The following C10orf88 variants were observed in gnomAD, a reference collection of about 807,000 sequenced individuals.
The protein encoded by C10orf88 is chromosome 10 open reading frame 88.
Under a neutral mutation model 34.2 loss-of-function variants are expected in C10orf88, and 29 were observed. That is an observed-to-expected ratio of 0.85 (90% CI 0.63 to 1.16). The LOEUF (loss-of-function observed/expected upper bound fraction) is 1.16. Ranked by LOEUF, C10orf88 falls within the 50% of genes most tolerant of loss-of-function variation. The pLI, the probability that C10orf88 is intolerant of heterozygous loss-of-function variation, is 0.00. For missense variants in C10orf88, 507 were observed against 533.2 expected (o/e 0.95, Z 0.48); for synonymous variants, 194 against 197.4 (o/e 0.98, Z 0.15).
rs757839396 is a variant in C10orf88 at position 122,938,022 on chromosome 10, T to C, written c.786A>G (p.Gly262=). 1 of 1,613,384 alleles carries C rather than the reference T, an allele frequency of 6.2e-7. No individual in the cohort carries two copies. Among genetic ancestry groups the C allele is most frequent in the Non-Finnish European group, 8.5e-7 (1 of 1,179,522 alleles). ...SSSTPFPFRT[G]LTSGNVTENL... ...TTTCAGTCACGTTCCCAGATGTCAA[T>C]CCAGTTCTAAAAGGAAAAGGTGTGG... The change falls in exon 5 of 6, where the codon GGA becomes GGG. Residue 262 remains glycine, a synonymous_variant. Coordinates refer to ENST00000481909, the MANE Select transcript of C10orf88 (RefSeq NM_024942.4).
chr10:122,952,409 T>C (rs1848698574), intron 2 of C10orf88, among the ~76,000 whole-genome samples: 1 of 152,240 alleles, frequency 6.6e-6, no homozygotes, highest in Admixed American at 6.5e-5. Context: ...AATAGGTTTA[T>C]GTAGCACAGT....
rs760255453 is a variant in C10orf88 at position 122,952,812 on chromosome 10, G to T, written c.368+17C>A. On this transcript the variant is annotated intron_variant, in intron 2 of 5. Coordinates refer to ENST00000481909, the MANE Select transcript of C10orf88 (RefSeq NM_024942.4). ...CACTACTTCAGAAGAACACTTTCCCGTGTACAAGTCACACACCTGTCATCC... is the reference window on the plus strand; with the variant it reads ...CACTACTTCAGAAGAACACTTTCCCTTGTACAAGTCACACACCTGTCATCC... 1.2e-6 allele frequency: 2 copies of T among 1,613,296 alleles called. No homozygotes were observed. The highest frequency in any genetic ancestry group is 2.2e-5 in the South Asian group (2 of 90,966).
intron 5 of C10orf88, among the ~76,000 whole-genome samples, chr10:122,934,589 C>A (rs2133327554): frequency 6.6e-6 from 1 of 152,208 alleles, no homozygotes; most frequent in South Asian, 2.1e-4. Flanking sequence ...TTAGTTGGGA[C>A]TTCTGGGATA....
At position 122,931,911 on chromosome 10, in the gene C10orf88, C is replaced by G. The variant is rs1848487305; in HGVS notation, c.*516G>C. 1 of 152,700 alleles carries G rather than the reference C, an allele frequency of 6.5e-6. No individual in the cohort carries two copies. Among genetic ancestry groups the G allele is most frequent in the Non-Finnish European group, 1.5e-5 (1 of 68,124 alleles). The allele number at this position is 152,700 out of a possible 1,614,324, so 9.5% of individuals were successfully genotyped here. ...AACCCCAGAGTGAACTAAGTTTACA[C>G]ATGCCAAATATCACATCTTATTCAT... is the stretch of plus-strand genomic sequence containing the variant. On this transcript the variant is annotated 3_prime_UTR_variant, in exon 6 of 6. Coordinates refer to ENST00000481909, the MANE Select transcript of C10orf88 (RefSeq NM_024942.4).
At chr10:122,937,591 A>C (rs1848544754) in intron 5 of C10orf88, 114 bp downstream of exon 5, 1 of 921,050 alleles carries the variant, frequency 1.1e-6, no homozygotes, top group Non-Finnish European at 1.6e-6. Context: ...AAAGTTGCTA[A>C]AATTTTCTCT....
At chr10:122,947,658 G>A (rs559094663) in intron 4 of C10orf88, among the ~76,000 whole-genome samples, 5 of 152,088 alleles carry the variant, frequency 3.3e-5, no homozygotes, top group Non-Finnish European at 7.4e-5. Flanking sequence ...GTTTCCAGAT[G>A]TTTGCAACAT....
Position 122,948,762 on chromosome 10 carries a change from C to T in C10orf88, c.535G>A (p.Ala179Thr), listed in dbSNP as rs762727957. 2.5e-6 allele frequency: 4 copies of T among 1,613,866 alleles called. No homozygotes were observed. The highest frequency in any genetic ancestry group is 3.4e-6 in the Non-Finnish European group (4 of 1,179,910). ...TCAAGGTCTATCCTTGATCCTAGAG[C>T]AGGAGAGCTTGTTGAAGAATTTGCA... ...VFANSSTSSPALGSRIDLDKV... is the reference protein window; with the variant it reads ...VFANSSTSSPTLGSRIDLDKV... Residue 179 changes from alanine to threonine, a missense_variant, in exon 4 of 6, where the codon GCT becomes ACT. By Grantham distance (58) the Ala-to-Thr change is moderately conservative. Coordinates refer to ENST00000481909, the MANE Select transcript of C10orf88 (RefSeq NM_024942.4).
chr10:122,950,154 A>G (rs1189738848), intron 3 of C10orf88, among the ~76,000 whole-genome samples: 1 of 152,218 alleles, frequency 6.6e-6, no homozygotes, highest in Non-Finnish European at 1.5e-5. Flanking sequence ...GTACTTAACA[A>G]CCTGTGTGAC....
At chr10:122,936,211 T>C (rs1848532724) in intron 5 of C10orf88, among the ~76,000 whole-genome samples, 1 of 151,952 alleles carries the variant, frequency 6.6e-6, no homozygotes, top group Non-Finnish European at 1.5e-5. Context: ...GGGAAATTAA[T>C]CCATTTCTCC....
Position 122,932,515 on chromosome 10 carries a change from T to A in C10orf88, c.1250A>T (p.Asp417Val). 5.6e-6 allele frequency: 9 copies of A among 1,614,020 alleles called. No individual in the cohort carries two copies. The highest frequency in any genetic ancestry group is 7.6e-6 in the Non-Finnish European group (9 of 1,179,970). Reference protein sequence around the residue: ...HIDDKIALLLDLLQNPNSPPT... With the variant: ...HIDDKIALLLVLLQNPNSPPT... ...CGGGGAGTTAGGATTTTGCAGCAAATCCAGTAACAAAGCAATCTTATCATC... is the reference window on the plus strand; with the variant it reads ...CGGGGAGTTAGGATTTTGCAGCAAAACCAGTAACAAAGCAATCTTATCATC... The change falls in exon 6 of 6, where the codon GAT becomes GTT. Residue 417 changes from aspartate to valine, a missense_variant. Asp to Val is a radical substitution (Grantham distance 152). Coordinates refer to ENST00000481909, the MANE Select transcript of C10orf88 (RefSeq NM_024942.4).
chr10:122,948,931 C>T, intron 3 of C10orf88, 76 bp from the exon 4 acceptor site: 4 of 1,304,836 alleles, frequency 3.1e-6, no homozygotes, highest in Non-Finnish European at 4.3e-6. Flanking sequence ...TTGGTATGAC[C>T]TAAACAAGAG....
Position 122,938,029 on chromosome 10 carries a change from C to A in C10orf88, c.779G>T (p.Arg260Ile). The A allele has an allele frequency of 6.2e-7, 1 of 1,613,296 alleles. No individual in the cohort carries two copies. The highest frequency in any genetic ancestry group is 1.1e-5 in the South Asian group (1 of 91,054). ...NKSSSTPFPF[R>I]TGLTSGNVTE... is the part of the protein sequence containing the mutation. ...CACGTTCCCAGATGTCAATCCAGTTCTAAAAGGAAAAGGTGTGGAGGACGA... is the reference window on the plus strand; with the variant it reads ...CACGTTCCCAGATGTCAATCCAGTTATAAAAGGAAAAGGTGTGGAGGACGA... The change falls in exon 5 of 6, where the codon AGA (arginine) becomes ATA (isoleucine). Residue 260 changes from arginine (R) to isoleucine (I), a missense_variant. Arg to Ile is a moderately conservative substitution (Grantham distance 97). Coordinates refer to ENST00000481909, the MANE Select transcript of C10orf88 (RefSeq NM_024942.4).
Position 122,949,499 on chromosome 10 carries a change from G to A in C10orf88, c.442-644C>T, listed in dbSNP as rs1040270367. ...GACCTTCTGATGATACATTTGGCTA[G>A]TAAGTGGCTAATGGGCAGTAACATA... On this transcript the variant is annotated intron_variant, in intron 3 of 5. Transcript: ENST00000481909. Among the ~76,000 whole-genome samples, 5 of 152,268 alleles carry A rather than the reference G, an allele frequency of 3.3e-5. No homozygotes were observed. The South Asian group carries it at 1.0e-3, about 32-fold the overall frequency.
intron 1 of C10orf88, among the ~76,000 whole-genome samples, chr10:122,953,797 T>C: frequency 6.6e-6 from 1 of 151,494 alleles, no homozygotes; most frequent in African/African-American, 2.4e-5. Flanking sequence ...CGGGTCACCT[T>C]CCCCCTCTCA....
At position 122,948,834 on chromosome 10, in the gene C10orf88, G is replaced by A. The variant is rs756703295; in HGVS notation, c.463C>T (p.Gln155Ter). 2 of 1,612,420 alleles carry A rather than the reference G, an allele frequency of 1.2e-6. No homozygotes were observed. The highest frequency in any genetic ancestry group is 2.2e-5 in the East Asian group (1 of 44,870). The change falls in exon 4 of 6, where the codon CAG becomes TAG. Residue 155 changes from glutamine (Q) to a stop codon, truncating the protein, a stop_gained. Coordinates refer to ENST00000481909, the MANE Select transcript of C10orf88 (RefSeq NM_024942.4). LOFTEE classifies it high-confidence loss of function. Reference protein sequence around the residue: ...KIKLLSFGERQCVFISKVVVH... With the variant: ...KIKLLSFGER ...ACAACTTTACTGATGAACACACACT[G>A]CCTTTCGCCAAAGGAGAGCAACTAT...
At chr10:122,941,475 T>C (rs1198091593) in intron 4 of C10orf88, among the ~76,000 whole-genome samples, 1 of 152,140 alleles carries the variant, frequency 6.6e-6, no homozygotes, top group East Asian at 1.9e-4. Flanking sequence ...CTGAGGTCCT[T>C]CCTTTCCCCC....
chr10:122,939,540 G>A (rs1848565278), intron 4 of C10orf88, among the ~76,000 whole-genome samples: 1 of 151,848 alleles, frequency 6.6e-6, no homozygotes, highest in Admixed American at 6.6e-5. Context: ...GCTCTTTATA[G>A]AGAAATGTTA....
chr10:122,932,763 C>A, intron 5 of C10orf88, 102 bp from the exon 6 acceptor site: 1 of 776,738 alleles, frequency 1.3e-6, no homozygotes, highest in Non-Finnish European at 2.0e-6. Context: ...TTTGTCTCCA[C>A]AACTGTGCTC....
At chr10:122,953,129 A>G (rs1194641954) in intron 1 of C10orf88, 97 bp from the exon 2 acceptor site, 3 of 973,932 alleles carry the variant, frequency 3.1e-6, no homozygotes, top group Non-Finnish European at 4.7e-6. Flanking sequence ...CCAGGCTGGA[A>G]TGCAGTGGCT....
Sources: gnomAD v4.1 joint callset for allele counts (sites outside exome capture counted in the v4.1 genomes callset) on GRCh38, gnomAD v4.1.1 for gene constraint, MANE v1.5 for transcripts, NCBI Gene and HGNC (gene_info 2026-07-23, HGNC 2026-07-21) for gene names.